Variants in JARID2 observed in about 807,000 individuals in gnomAD.
JARID2 encodes jumonji and AT-rich interaction domain containing 2, also known as protein Jumonji.
JARID2 carries 21 observed loss-of-function variants against 125.6 expected under a neutral mutation model. The ratio of observed to expected loss-of-function variants is 0.17; its 90% CI spans 0.12 to 0.24. JARID2 has a LOEUF of 0.24. Ranked by LOEUF, JARID2 falls within the 10% of genes least tolerant of loss-of-function variation. JARID2 has a pLI of 1.00. For synonymous variants in JARID2, 736 were observed against 661.6 expected (o/e 1.11, Z -1.73); for missense variants, 1,303 against 1,639.6 (o/e 0.79, Z 3.55).
chr6:15,416,729 A>G (rs1766245225), intron 3 of JARID2, among the ~76,000 whole-genome samples: 1 of 150,110 alleles, frequency 6.7e-6, no homozygotes, highest in East Asian at 2.0e-4. Flanking sequence ...GAGGGGGGAG[A>G]GGGAGAGGGA....
At position 15,494,413 on chromosome 6, in the gene JARID2, CTTTTTT is replaced by C. The variant is rs60218567; in HGVS notation, c.907-1704_907-1699del. On this transcript the variant is annotated intron_variant, in intron 6 of 17. Coordinates refer to ENST00000341776, the MANE Select transcript of JARID2 (RefSeq NM_004973.4). ...ACTGGTTTGGATGTTTTTGGCAAGT[CTTTTTT>C]TTTTTTTTTTTTTTGAGACAAGAGT... 1.2e-4 allele frequency among the ~76,000 whole-genome samples: 10 copies of C among 80,584 alleles called. No homozygotes were observed. The East Asian group carries it at 1.7e-3, about 14-fold the overall frequency. The allele number at this position is 80,584 out of a possible 152,430, so 52.9% of individuals were successfully genotyped here.
At chr6:15,509,043 T>G in intron 12 of JARID2, 1 of 1,289,336 alleles carries the variant, frequency 7.8e-7, no homozygotes, top group African/African-American at 1.5e-5. Context: ...GTTCCTGCCA[T>G]GTGGAGACAC....
intron 1 of JARID2, among the ~76,000 whole-genome samples, chr6:15,295,236 C>T (rs1349703137): frequency 1.3e-5 from 2 of 151,608 alleles, no homozygotes; most frequent in African/African-American, 2.4e-5. Flanking sequence ...ATTCTCCTGC[C>T]TCAGCCTCCC....
At chr6:15,317,068 T>C (rs1482257764) in intron 1 of JARID2, among the ~76,000 whole-genome samples, 1 of 152,236 alleles carries the variant, frequency 6.6e-6, no homozygotes, top group African/African-American at 2.4e-5. Flanking sequence ...TGTGATTTTG[T>C]GCTTCTTGTC....
chr6:15,249,096 C>A, intron 1 of JARID2: 1 of 260,626 alleles, frequency 3.8e-6, no homozygotes, highest in Non-Finnish European at 6.0e-6. Flanking sequence ...TGTTCCAGGT[C>A]TCCTGATGGT....
intron 3 of JARID2, among the ~76,000 whole-genome samples, chr6:15,420,680 C>T (rs1400152869): frequency 2.0e-5 from 3 of 152,130 alleles, no homozygotes; most frequent in Non-Finnish European, 4.4e-5. Flanking sequence ...TCGTATTTCT[C>T]TACATATTCT....
At chr6:15,274,308 G>T (rs1037278540) in intron 1 of JARID2, among the ~76,000 whole-genome samples, 2 of 152,026 alleles carry the variant, frequency 1.3e-5, no homozygotes, top group Admixed American at 6.5e-5. Context: ...TAGTTTTGGG[G>T]GATGTCTTTA....
intron 1 of JARID2, among the ~76,000 whole-genome samples, chr6:15,336,651 C>CTTT (rs10716567): frequency 3.0e-5 from 4 of 133,128 alleles, no homozygotes; most frequent in Non-Finnish European, 5.0e-5. Context: ...ATTCAGGATT[C>CTTT]TTTTTTTTTT....
Position 15,246,484 on chromosome 6 carries a change from G to T in JARID2, c.-56G>T. On this transcript the variant is annotated 5_prime_UTR_variant, in exon 1 of 18. Transcript: ENST00000341776. Reference sequence around the variant, plus strand: ...GGATATTTTTTTGCAAATTTCTGACGGCTTTAAATTCATGAAGCAATTGTC... The same window carrying T: ...GGATATTTTTTTGCAAATTTCTGACTGCTTTAAATTCATGAAGCAATTGTC... 1 of 1,510,108 alleles carries T rather than the reference G, an allele frequency of 6.6e-7. No homozygotes were observed. The highest frequency in any genetic ancestry group is 9.2e-7 in the Non-Finnish European group (1 of 1,092,158). The allele number at this position is 1,510,108 out of a possible 1,614,324, so 93.5% of individuals were successfully genotyped here.
chr6:15,517,081 C>T (rs1304672613), intron 16 of JARID2, 80 bp from the exon 17 acceptor site: 2 of 1,029,800 alleles, frequency 1.9e-6, no homozygotes, highest in Non-Finnish European at 3.0e-6. Flanking sequence ...GGCTGCCCGG[C>T]CGGGCGTGCT....
intron 1 of JARID2, among the ~76,000 whole-genome samples, chr6:15,291,663 G>A (rs188808936): frequency 5.3e-5 from 8 of 152,328 alleles, no homozygotes; most frequent in East Asian, 3.9e-4. Context: ...GTGGGACACC[G>A]TCTCTTGCAC....
At chr6:15,483,388 G>T (rs909319654) in intron 5 of JARID2, among the ~76,000 whole-genome samples, 1 of 148,658 alleles carries the variant, frequency 6.7e-6, no homozygotes, top group Non-Finnish European at 1.5e-5. Flanking sequence ...GAAACTGGCT[G>T]TTTTTTTTTT....
At chr6:15,268,732 A>G (rs1760184867) in intron 1 of JARID2, among the ~76,000 whole-genome samples, 1 of 152,186 alleles carries the variant, frequency 6.6e-6, no homozygotes, top group Non-Finnish European at 1.5e-5. Context: ...GGAAATTTTT[A>G]ACATGGGAGA....
rs909105796 is a variant in JARID2, at chr6:15,521,654, A to T, written c.*1403A>T. On this transcript the variant is annotated 3_prime_UTR_variant, in exon 18 of 18. Transcript: ENST00000341776. ...TTCACAAGCTGTTCTTTGTTTCATA[A>T]TTGGATTCATCAATCCCGTAGCTAC... 3 of 152,220 alleles carry T rather than the reference A, an allele frequency of 2.0e-5. No individual in the cohort carries two copies. The highest frequency in any genetic ancestry group is 4.4e-5 in the Non-Finnish European group (3 of 68,046). The allele number at this position is 152,220 out of a possible 1,614,324, so 9.4% of individuals were successfully genotyped here.
intron 2 of JARID2, among the ~76,000 whole-genome samples, chr6:15,385,259 T>C (rs915496343): frequency 2.0e-5 from 3 of 152,148 alleles, no homozygotes; most frequent in Non-Finnish European, 4.4e-5. Flanking sequence ...TCCCTTCTGG[T>C]ATCTATGTGA....
chr6:15,517,334 G>A (rs544935174), intron 17 of JARID2, 66 bp downstream of exon 17: 7 of 1,117,854 alleles, frequency 6.3e-6, no homozygotes, highest in African/African-American at 4.6e-5. Flanking sequence ...CCGGCTGGAT[G>A]TAGGCACTCC....
chr6:15,307,258 T>G (rs1761864279), intron 1 of JARID2, among the ~76,000 whole-genome samples: 1 of 151,930 alleles, frequency 6.6e-6, no homozygotes, highest in South Asian at 2.1e-4. Context: ...GAAGAAAACA[T>G]TTTTTCCTGT....
chr6:15,248,937 C>T (rs1239988933), intron 1 of JARID2: 6 of 985,604 alleles, frequency 6.1e-6, no homozygotes, highest in East Asian at 1.1e-4. Flanking sequence ...CTCTGCCTTC[C>T]GCTCCGGAGC....
At chr6:15,350,308 C>T (rs749869651) in intron 1 of JARID2, among the ~76,000 whole-genome samples, 7 of 152,140 alleles carry the variant, frequency 4.6e-5, no homozygotes, top group Non-Finnish European at 7.3e-5. Flanking sequence ...TGACCAAGCA[C>T]CTGAAATGAA....
Sources: allele counts gnomAD v4.1 joint callset (sites outside exome capture counted in the v4.1 genomes callset), GRCh38; gene constraint gnomAD v4.1.1; transcripts MANE v1.5; gene names NCBI Gene and HGNC (gene_info 2026-07-23, HGNC 2026-07-21).